Variants in FAM227B observed in about 807,000 individuals in gnomAD.
FAM227B encodes the protein family with sequence similarity 227 member B, also known as protein FAM227B.
A neutral mutation model predicts 73.8 loss-of-function variants in FAM227B; 88 were observed. That is an observed-to-expected ratio of 1.19 (90% CI 1.00 to 1.42). FAM227B has a LOEUF of 1.42. Ranked by LOEUF, FAM227B falls within the 40% of genes most tolerant of loss-of-function variation. The pLI is 0.00. For missense variants in FAM227B, 632 were observed against 590.9 expected, an observed-to-expected ratio of 1.07 and a Z score of -0.72; for synonymous variants, 210 against 190.5, an observed-to-expected ratio of 1.10 and a Z score of -0.84.
At chr15:49,355,089 T>C (rs370674929) in intron 13 of FAM227B, among the ~76,000 whole-genome samples, 3 of 150,592 alleles carry the variant, frequency 2.0e-5, no homozygotes, top group African/African-American at 7.4e-5. Context: ...AACCCATCTG[T>C]ACATCACCAT....
At chr15:49,554,231 C>G (rs2073386324) in intron 9 of FAM227B, among the ~76,000 whole-genome samples, 1 of 152,146 alleles carries the variant, frequency 6.6e-6, no homozygotes, top group African/African-American at 2.4e-5. Context: ...GAAGGGGTCT[C>G]TTTCAGAGCT....
chr15:49,361,071 G>A (rs1343132293), intron 13 of FAM227B, among the ~76,000 whole-genome samples: 1 of 152,106 alleles, frequency 6.6e-6, no homozygotes, highest in Non-Finnish European at 1.5e-5. Flanking sequence ...TTTCAGTTAG[G>A]AGGGATAAAT....
At chr15:49,435,059 G>C (rs757550256) in intron 11 of FAM227B, among the ~76,000 whole-genome samples, 2 of 151,248 alleles carry the variant, frequency 1.3e-5, no homozygotes, top group Admixed American at 6.6e-5. Context: ...TGTTCATTTC[G>C]AACACATACA....
chr15:49,401,297 T>C (rs1341283693), intron 11 of FAM227B, among the ~76,000 whole-genome samples: 4 of 152,246 alleles, frequency 2.6e-5, no homozygotes, highest in Non-Finnish European at 4.4e-5. Flanking sequence ...AAAACCACAA[T>C]GTGATACCAT....
chr15:49,362,534 A>C (rs184140144), intron 13 of FAM227B, among the ~76,000 whole-genome samples: 4 of 152,286 alleles, frequency 2.6e-5, no homozygotes, highest in Non-Finnish European at 5.9e-5. Context: ...TCTTTGTCAC[A>C]TGCATAGTTT....
intron 11 of FAM227B, among the ~76,000 whole-genome samples, chr15:49,407,807 T>C (rs2048621624): frequency 6.6e-6 from 1 of 151,960 alleles, no homozygotes; most frequent in African/African-American, 2.4e-5. Flanking sequence ...TATAGAACTG[T>C]TCCATCACCC....
At chr15:49,330,556 G>C (rs1007812907) in intron 15 of FAM227B, 2 of 152,088 alleles carry the variant, frequency 1.3e-5, no homozygotes, top group African/African-American at 2.4e-5. Context: ...GTTAGATGAG[G>C]CATGGCTATC....
chr15:49,486,122 A>G (rs2056384353), intron 11 of FAM227B: 1 of 152,048 alleles, frequency 6.6e-6, no homozygotes, highest in African/African-American at 2.4e-5. Flanking sequence ...AGGTATGCTA[A>G]CCACTGTGGT....
chr15:49,460,697 T>A (rs2053712967), intron 11 of FAM227B, among the ~76,000 whole-genome samples: 1 of 152,184 alleles, frequency 6.6e-6, no homozygotes, highest in Non-Finnish European at 1.5e-5. Context: ...ATACCAGTCA[T>A]GTATATAATA....
chr15:49,380,238 G>C (rs1248869984), intron 11 of FAM227B, among the ~76,000 whole-genome samples: 1 of 152,156 alleles, frequency 6.6e-6, no homozygotes, highest in African/African-American at 2.4e-5. Flanking sequence ...GTCAGTTTGT[G>C]GTGAATGCTG....
At chr15:49,510,623 G>A (rs989467084) in intron 10 of FAM227B, among the ~76,000 whole-genome samples, 1 of 152,012 alleles carries the variant, frequency 6.6e-6, no homozygotes, top group Non-Finnish European at 1.5e-5. Context: ...TATCATTTAG[G>A]GAGCTCCCTT....
chr15:49,508,623 T>G (rs1008054221), intron 10 of FAM227B, among the ~76,000 whole-genome samples: 1 of 151,980 alleles, frequency 6.6e-6, no homozygotes. Flanking sequence ...TGAACTAATA[T>G]TATTATTAAT....
intron 9 of FAM227B, among the ~76,000 whole-genome samples, chr15:49,566,890 GTAAGTA>G (rs1170632590): frequency 5.3e-5 from 8 of 152,308 alleles, no homozygotes; most frequent in Non-Finnish European, 1.0e-4. Flanking sequence ...GAGAGAAGTT[GTAAGTA>G]TAAGATTTAT....
At chr15:49,400,976 C>T (rs1212620957) in intron 11 of FAM227B, among the ~76,000 whole-genome samples, 1 of 121,824 alleles carries the variant, frequency 8.2e-6, no homozygotes, top group Admixed American at 7.2e-5. Context: ...AAAGCAATGT[C>T]AACAAAAGAC....
At chr15:49,520,862 C>T (rs913235607) in intron 10 of FAM227B, among the ~76,000 whole-genome samples, 3 of 152,030 alleles carry the variant, frequency 2.0e-5, no homozygotes, top group African/African-American at 2.4e-5. Flanking sequence ...GAAAGGAAGA[C>T]AGCAAGAGTC....
At chr15:49,360,860 C>A (rs80079494) in intron 13 of FAM227B, among the ~76,000 whole-genome samples, 1 of 152,120 alleles carries the variant, frequency 6.6e-6, no homozygotes, top group Non-Finnish European at 1.5e-5. Flanking sequence ...GACATAAGCA[C>A]TCCTGTGATG....
At chr15:49,395,084 T>C (rs1207086840) in intron 11 of FAM227B, among the ~76,000 whole-genome samples, 1 of 152,222 alleles carries the variant, frequency 6.6e-6, no homozygotes, top group Non-Finnish European at 1.5e-5. Flanking sequence ...GCTTTATATA[T>C]TTCTAGCCAA....
intron 3 of FAM227B, among the ~76,000 whole-genome samples, chr15:49,607,219 T>G (rs911863387): frequency 1.3e-5 from 2 of 152,196 alleles, no homozygotes; most frequent in Admixed American, 1.3e-4. Flanking sequence ...TGCTTAACAC[T>G]GCAAAACTTT....
chr15:49,573,684 C>T (rs2075270395), intron 8 of FAM227B, among the ~76,000 whole-genome samples: 1 of 152,184 alleles, frequency 6.6e-6, no homozygotes, highest in Non-Finnish European at 1.5e-5. Context: ...TCCCAGCCTA[C>T]TGTGAGCCAA....
Sources: allele counts gnomAD v4.1 joint callset (sites outside exome capture counted in the v4.1 genomes callset), GRCh38; gene constraint gnomAD v4.1.1; transcripts MANE v1.5; gene names NCBI Gene and HGNC (gene_info 2026-07-23, HGNC 2026-07-21).